Variants in SRRM4 observed in about 807,000 individuals in gnomAD.
SRRM4 encodes serine/arginine repetitive matrix protein 4.
SRRM4 carries 33 observed loss-of-function variants against 68.9 expected under a neutral mutation model. The observed-to-expected ratio is 0.48, with a 90% CI of 0.36 to 0.64. The LOEUF is 0.64. SRRM4 is among the 30% of genes least tolerant of loss of function. SRRM4 has a pLI of 0.00. For synonymous variants in SRRM4, 318 were observed against 318.8 expected, an observed-to-expected ratio of 1.00 and a Z score of 0.03; for missense variants, 817 against 827.1, an observed-to-expected ratio of 0.99 and a Z score of 0.15.
At chr12:119,135,773 G>A (rs1273302912) in intron 8 of SRRM4, among the ~76,000 whole-genome samples, 1 of 152,158 alleles carries the variant, frequency 6.6e-6, no homozygotes, top group African/African-American at 2.4e-5. Flanking sequence ...TAAGTAAAAA[G>A]CAGCTATTCA....
intron 1 of SRRM4, among the ~76,000 whole-genome samples, chr12:119,073,036 C>T (rs935974777): frequency 6.6e-6 from 1 of 151,772 alleles, no homozygotes; most frequent in Non-Finnish European, 1.5e-5. Flanking sequence ...AAGTTGTCCA[C>T]TACTGGGTGA....
At chr12:119,113,352 A>G (rs1954156650) in intron 2 of SRRM4, among the ~76,000 whole-genome samples, 1 of 152,236 alleles carries the variant, frequency 6.6e-6, no homozygotes, top group Non-Finnish European at 1.5e-5. Context: ...GGTAGGAATC[A>G]CACAGGCCTT....
At chr12:118,996,860 C>T (rs1953352568) in intron 1 of SRRM4, among the ~76,000 whole-genome samples, 1 of 152,206 alleles carries the variant, frequency 6.6e-6, no homozygotes, top group Non-Finnish European at 1.5e-5. Context: ...TGAGGTCCAA[C>T]TGTTTTCCTG....
At chr12:119,043,563 AAAAT>A in intron 1 of SRRM4, among the ~76,000 whole-genome samples, 1 of 148,990 alleles carries the variant, frequency 6.7e-6, no homozygotes, top group Non-Finnish European at 1.5e-5. Flanking sequence ...ATGAAATTGA[AAAAT>A]AAATAAATAC....
intron 1 of SRRM4, among the ~76,000 whole-genome samples, chr12:119,027,584 T>A (rs1486939391): frequency 1.3e-5 from 2 of 152,330 alleles, no homozygotes; most frequent in East Asian, 1.9e-4. Flanking sequence ...ATATCAGCCC[T>A]GCTCATGAAG....
intron 1 of SRRM4, among the ~76,000 whole-genome samples, chr12:119,068,476 G>T (rs1054460122): frequency 1.3e-5 from 2 of 152,174 alleles, no homozygotes; most frequent in African/African-American, 4.8e-5. Context: ...GGTCCCTTCA[G>T]CAAGCAAAGA....
chr12:119,135,334 G>A (rs925785554), intron 8 of SRRM4, among the ~76,000 whole-genome samples: 11 of 152,152 alleles, frequency 7.2e-5, no homozygotes, highest in African/African-American at 2.7e-4. Flanking sequence ...AAAGATAATG[G>A]CAGGTTTCTT....
intron 1 of SRRM4, among the ~76,000 whole-genome samples, chr12:119,042,491 A>G (rs4767761): frequency 0.88 from 133,815 of 151,672 alleles, 59,259 homozygotes; most frequent in Middle Eastern, 0.95. Flanking sequence ...AACTTCTGAT[A>G]TGTGTGATCC....
intron 1 of SRRM4, among the ~76,000 whole-genome samples, chr12:119,036,015 A>ATTTTCC (rs148849454): frequency 2.0e-5 from 3 of 152,052 alleles, no homozygotes; most frequent in Admixed American, 6.6e-5. Flanking sequence ...TCTTATTGTC[A>ATTTTCC]TTTTCCTTTT....
In SRRM4 at chr12:119,156,583, A is replaced by AGCG; in HGVS notation, c.1622_1623insCGG (p.Ser541_Ser542insGly). The AGCG allele has an allele frequency of 1.2e-6, 2 of 1,610,214 alleles. No homozygotes were observed. The highest frequency in any genetic ancestry group is 1.7e-6 in the Non-Finnish European group (2 of 1,179,624). ...CACCTCCTCCTGGTACAGCAGCAGCAGTAGCCGCTCGGCCAGCCGCAGCTA... is the reference window on the plus strand; with the variant it reads ...CACCTCCTCCTGGTACAGCAGCAGCAGCGGTAGCCGCTCGGCCAGCCGCAGCTA... On this transcript the variant is annotated inframe_insertion, in exon 13 of 13. Coordinates refer to ENST00000267260, the MANE Select transcript of SRRM4 (RefSeq NM_194286.4).
intron 1 of SRRM4, chr12:119,037,114 TTTTTCCTG>T (rs1953633091): frequency 6.6e-6 from 1 of 152,066 alleles, no homozygotes; most frequent in Non-Finnish European, 1.5e-5. Flanking sequence ...AGCTCCACCA[TTTTTCCTG>T]GGCGTGGTTC....
chr12:119,159,413 G>A lies in SRRM4; in HGVS notation c.*2615G>A, dbSNP rs918348421. ...AAATCCCTTGTGAATGTCCCTTAGG[G>A]AGGCACCAGATTGGAGACAGATGTG... On this transcript the variant is annotated 3_prime_UTR_variant, in exon 13 of 13. Transcript: ENST00000267260. 1 of 152,252 alleles carries A rather than the reference G, an allele frequency of 6.6e-6. No homozygotes were observed. The highest frequency in any genetic ancestry group is 1.5e-5 in the Non-Finnish European group (1 of 68,064). 9.4% of individuals were successfully genotyped at this position (152,252 alleles called of 1,614,324 possible). A position where few individuals can be genotyped will look rare whatever the true frequency, so the allele number is the denominator to read the frequency against.
At chr12:119,039,022 T>C (rs956199370) in intron 1 of SRRM4, among the ~76,000 whole-genome samples, 10 of 152,220 alleles carry the variant, frequency 6.6e-5, no homozygotes, top group African/African-American at 2.2e-4. Context: ...ATGCAAGTAC[T>C]GAACAGGGAG....
chr12:119,093,830 C>A (rs969606039), intron 1 of SRRM4, among the ~76,000 whole-genome samples: 2 of 152,190 alleles, frequency 1.3e-5, no homozygotes, highest in African/African-American at 2.4e-5. Flanking sequence ...TCTCAACAAT[C>A]GAATCCAATC....
At chr12:119,006,638 A>T (rs1313741157) in intron 1 of SRRM4, among the ~76,000 whole-genome samples, 1 of 152,140 alleles carries the variant, frequency 6.6e-6, no homozygotes, top group Non-Finnish European at 1.5e-5. Flanking sequence ...GACACGGAGG[A>T]TTGCTGCTTC....
At position 118,999,662 on chromosome 12, in the gene SRRM4, T is replaced by G. The variant is rs142473535; in HGVS notation, c.131+17649T>G. 3.0e-3 allele frequency among the ~76,000 whole-genome samples: 464 copies of G among 152,330 alleles called. 4 individuals are homozygous for G. The highest frequency in any genetic ancestry group is 0.01 in the African/African-American group (421 of 41,576). ...AAGCATTTCGTTTACTGTAACTTAT[T>G]AAAGCCTTATAATGCCCTGTAAGAC... On this transcript the variant is annotated intron_variant, in intron 1 of 12. Coordinates refer to ENST00000267260, the MANE Select transcript of SRRM4 (RefSeq NM_194286.4).
chr12:119,054,225 T>G (rs917696745), intron 1 of SRRM4, among the ~76,000 whole-genome samples: 3 of 152,244 alleles, frequency 2.0e-5, no homozygotes, highest in African/African-American at 7.2e-5. Context: ...TCTCATTCTT[T>G]TTATGGCTTA....
chr12:119,089,643 G>T (rs147560266), intron 1 of SRRM4, among the ~76,000 whole-genome samples: 1 of 152,212 alleles, frequency 6.6e-6, no homozygotes, highest in Non-Finnish European at 1.5e-5. Context: ...GCTTGCTGAT[G>T]ATTGGTGCTG....
intron 1 of SRRM4, chr12:119,037,112 CA>C (rs1953633057): frequency 6.6e-6 from 1 of 152,122 alleles, no homozygotes; most frequent in Non-Finnish European, 1.5e-5. Context: ...ATAGCTCCAC[CA>C]TTTTTCCTGG....
Sources: gnomAD v4.1 joint callset for allele counts (sites outside exome capture counted in the v4.1 genomes callset) on GRCh38, gnomAD v4.1.1 for gene constraint, MANE v1.5 for transcripts, NCBI Gene and HGNC (gene_info 2026-07-23, HGNC 2026-07-21) for gene names.